The following ZDHHC20 variants were observed in gnomAD, a reference collection of about 807,000 sequenced individuals.
ZDHHC20 encodes zDHHC palmitoyltransferase 20.
In ZDHHC20, 43 loss-of-function variants were observed where a neutral mutation model predicts 57.8. The observed-to-expected ratio is 0.74, with a 90% CI of 0.58 to 0.96. ZDHHC20 has a LOEUF of 0.96. ZDHHC20 is among the 40% of genes least tolerant of loss of function. The pLI is 0.00. For missense variants in ZDHHC20, 391 were observed against 441.1 expected, an observed-to-expected ratio of 0.89 and a Z score of 1.02; for synonymous variants, 157 against 153.0, an observed-to-expected ratio of 1.03 and a Z score of -0.19.
At chr13:21,454,593 C>T (rs1270816245) in intron 1 of ZDHHC20, among the ~76,000 whole-genome samples, 1 of 151,046 alleles carries the variant, frequency 6.6e-6, no homozygotes, top group African/African-American at 2.5e-5. Context: ...CATATTAAAC[C>T]CAAAGTAAAA....
intron 2 of ZDHHC20, 49 bp from the exon 3 acceptor site, chr13:21,421,213 CAAAAA>C: frequency 6.8e-7 from 1 of 1,469,430 alleles, no homozygotes; most frequent in Non-Finnish European, 9.4e-7. Context: ...GTGAAAACAG[CAAAAA>C]GCATTACATT....
chr13:21,421,146 A>T lies in ZDHHC20; in HGVS notation c.164T>A (p.Leu55His). 1 of 1,613,324 alleles carries T rather than the reference A, an allele frequency of 6.2e-7. No homozygotes were observed. Among genetic ancestry groups the T allele is most frequent in the African/African-American group, 1.3e-5 (1 of 75,034 alleles). ...NEENGKTVVY[L>H]VAFHLFFVMF... ...AACAAAGAACAGATGGAAAGCCACA[A>T]GGTAAACAACGGTCTTTCCTGGTAA... Residue 55 changes from leucine to histidine, a missense_variant, in exon 3 of 13, where the codon CTT (leucine) becomes CAT (histidine). Coordinates refer to ENST00000400590, the MANE Select transcript of ZDHHC20 (RefSeq NM_001330059.2).
At chr13:21,379,328 G>A (rs1276638794) in intron 11 of ZDHHC20, among the ~76,000 whole-genome samples, 1 of 151,706 alleles carries the variant, frequency 6.6e-6, no homozygotes, top group Non-Finnish European at 1.5e-5. Context: ...GTCATCCAGG[G>A]TGAAGTGCAG....
rs1323463675 is a variant in ZDHHC20 at position 21,421,041 on chromosome 13, T to C, written c.249+20A>G. The stretch of plus-strand genomic sequence containing the variant: ...CATAATCAGTTAAAACATTTGGTAA[T>C]TTACCAACATTAAATTTACCTCTTT... On this transcript the variant is annotated intron_variant, in intron 3 of 12. Coordinates refer to ENST00000400590, the MANE Select transcript of ZDHHC20 (RefSeq NM_001330059.2). 6.3e-7 allele frequency: 1 copy of C among 1,589,624 alleles called. No individual in the cohort carries two copies. The highest frequency in any genetic ancestry group is 1.7e-5 in the Admixed American group (1 of 59,500).
rs1181874304 is a variant in ZDHHC20 at position 21,375,650 on chromosome 13, G to A, written c.*1046C>T. 1 of 153,354 alleles carries A rather than the reference G, an allele frequency of 6.5e-6. No individual in the cohort carries two copies. Among genetic ancestry groups the A allele is most frequent in the African/African-American group, 2.4e-5 (1 of 41,394 alleles). The allele number at this position is 153,354 out of a possible 1,614,324, so 9.5% of individuals were successfully genotyped here. A position where few individuals can be genotyped will look rare whatever the true frequency, so the allele number is the denominator to read the frequency against. On this transcript the variant is annotated 3_prime_UTR_variant, in exon 13 of 13. Transcript: ENST00000400590. ...CTTACTCTAAAGTTTTTTTTGCCTA[G>A]TTTAAATTGCATTTTAAATCACTGT...
At chr13:21,387,404 A>C in intron 9 of ZDHHC20, 104 bp downstream of exon 9, 1 of 892,602 alleles carries the variant, frequency 1.1e-6, no homozygotes, top group South Asian at 5.5e-5. Flanking sequence ...AAAGTCTGTG[A>C]GAATATCATT....
intron 1 of ZDHHC20, among the ~76,000 whole-genome samples, chr13:21,442,050 A>C (rs762710875): frequency 1.3e-5 from 2 of 152,196 alleles, no homozygotes; most frequent in Non-Finnish European, 2.9e-5. Context: ...GTTAGGTATC[A>C]TAAATTTTGT....
chr13:21,440,695 T>C (rs1301057939), intron 1 of ZDHHC20, among the ~76,000 whole-genome samples: 6 of 141,538 alleles, frequency 4.2e-5, no homozygotes, highest in Non-Finnish European at 9.8e-5. Context: ...TTGTACTTTA[T>C]ACTAAAACAT....
intron 11 of ZDHHC20, among the ~76,000 whole-genome samples, chr13:21,380,496 A>G (rs1475904664): frequency 6.6e-6 from 1 of 151,920 alleles, no homozygotes; most frequent in Non-Finnish European, 1.5e-5. Flanking sequence ...CTGGGACCCT[A>G]AAGAATAACA....
At chr13:21,396,842 AAAAG>A (rs3066490) in intron 7 of ZDHHC20, among the ~76,000 whole-genome samples, 2 of 148,080 alleles carry the variant, frequency 1.4e-5, no homozygotes, top group African/African-American at 2.5e-5. Context: ...CAAAAAAAAA[AAAAG>A]AAAGAAAGAA....
chr13:21,375,296 G>A lies in ZDHHC20; in HGVS notation c.*1400C>T. 2 of 392,720 alleles carry A rather than the reference G, an allele frequency of 5.1e-6. No individual in the cohort carries two copies. Among genetic ancestry groups the A allele is most frequent in the Non-Finnish European group, 1.0e-5 (2 of 198,696 alleles). 24.3% of individuals were successfully genotyped at this position (392,720 alleles called of 1,614,324 possible). On this transcript the variant is annotated 3_prime_UTR_variant, in exon 13 of 13. Transcript: ENST00000400590. ...CCAACCTGTAGTACTCACAGATGCT[G>A]CTGAGATTCATCTCCACCCACTCAC...
intron 5 of ZDHHC20, among the ~76,000 whole-genome samples, chr13:21,401,991 T>G (rs1467605436): frequency 1.3e-5 from 2 of 151,982 alleles, no homozygotes; most frequent in African/African-American, 4.8e-5. Context: ...TTCCAGCACT[T>G]TGGGAGGTGG....
At chr13:21,422,929 G>C (rs1484690840) in intron 2 of ZDHHC20, among the ~76,000 whole-genome samples, 1 of 152,094 alleles carries the variant, frequency 6.6e-6, no homozygotes, top group Non-Finnish European at 1.5e-5. Context: ...CCTATGTACT[G>C]AAAGCCAACT....
At chr13:21,395,153 G>A (rs565510521) in intron 7 of ZDHHC20, among the ~76,000 whole-genome samples, 16 of 150,724 alleles carry the variant, frequency 1.1e-4, no homozygotes, top group African/African-American at 3.2e-4. Flanking sequence ...TGCAAGCTCC[G>A]TCTCCCAGGT....
intron 1 of ZDHHC20, among the ~76,000 whole-genome samples, chr13:21,443,344 C>A (rs1437756486): frequency 6.6e-6 from 1 of 152,056 alleles, no homozygotes; most frequent in Non-Finnish European, 1.5e-5. Flanking sequence ...TTCAGTATTT[C>A]CCACTCGGGA....
intron 1 of ZDHHC20, among the ~76,000 whole-genome samples, chr13:21,437,696 T>G (rs1344875580): frequency 3.2e-5 from 1 of 31,548 alleles, no homozygotes; most frequent in Admixed American, 3.2e-4. Flanking sequence ...CTTTACTGAA[T>G]TTTTTTTTTT....
chr13:21,448,404 C>T (rs1464817965), intron 1 of ZDHHC20, among the ~76,000 whole-genome samples: 2 of 107,786 alleles, frequency 1.9e-5, no homozygotes, highest in Non-Finnish European at 4.3e-5. Flanking sequence ...CCGCCCCGTC[C>T]GGGAGGGAGG....
intron 3 of ZDHHC20, among the ~76,000 whole-genome samples, chr13:21,416,836 T>G (rs1253427109): frequency 6.6e-6 from 1 of 152,220 alleles, no homozygotes; most frequent in Non-Finnish European, 1.5e-5. Context: ...TAGAGTTCCA[T>G]GAAGAAGCAA....
At chr13:21,403,003 A>G in intron 4 of ZDHHC20, 137 bp from the exon 5 acceptor site, 1 of 640,302 alleles carries the variant, frequency 1.6e-6, no homozygotes, top group South Asian at 1.9e-5. Flanking sequence ...AACAATACCA[A>G]AATGTATTAT....
Sources: allele counts gnomAD v4.1 joint callset (sites outside exome capture counted in the v4.1 genomes callset), GRCh38; gene constraint gnomAD v4.1.1; transcripts MANE v1.5; gene names NCBI Gene and HGNC (gene_info 2026-07-23, HGNC 2026-07-21).